MAP2K4: variants seen among roughly 807,000 people sequenced by gnomAD.
MAP2K4 encodes the protein dual specificity mitogen-activated protein kinase kinase 4.
MAP2K4 carries 4 observed loss-of-function variants against 48.5 expected under a neutral mutation model. That is an observed-to-expected ratio of 0.08 (90% CI 0.04 to 0.19). MAP2K4 has a LOEUF of 0.19. Ranked by LOEUF, MAP2K4 falls within the 10% of genes least tolerant of loss-of-function variation. The probability of loss-of-function intolerance (pLI) is 1.00; values close to 1 mark genes in which losing one functional copy is unlikely to be tolerated. For missense variants in MAP2K4, 258 were observed against 493.3 expected, an observed-to-expected ratio of 0.52 and a Z score of 4.52; for synonymous variants, 166 against 173.1, an observed-to-expected ratio of 0.96 and a Z score of 0.32.
chr17:12,045,940 C>G (rs1969948204), intron 1 of MAP2K4, among the ~76,000 whole-genome samples: 1 of 152,204 alleles, frequency 6.6e-6, no homozygotes, highest in Non-Finnish European at 1.5e-5. Context: ...ATGGTCTGAG[C>G]ACCTGGATAA....
intron 1 of MAP2K4, among the ~76,000 whole-genome samples, chr17:12,048,535 A>T (rs1769532136): frequency 6.6e-6 from 1 of 152,178 alleles, no homozygotes; most frequent in African/African-American, 2.4e-5. Flanking sequence ...TGTATCAAAG[A>T]TTGCCAGTGG....
At chr17:12,136,862 G>A (rs1380573205) in intron 9 of MAP2K4, among the ~76,000 whole-genome samples, 1 of 152,090 alleles carries the variant, frequency 6.6e-6, no homozygotes, top group Admixed American at 6.5e-5. Context: ...AGAATGCTGT[G>A]TAGATCTGAT....
intron 4 of MAP2K4, among the ~76,000 whole-genome samples, chr17:12,099,419 G>A (rs1313028385): frequency 6.6e-6 from 1 of 152,154 alleles, no homozygotes. Flanking sequence ...TAGTAGGATT[G>A]CTGGATCAAA....
intron 7 of MAP2K4, 132 bp from the exon 8 acceptor site, chr17:12,125,162 C>T: frequency 1.5e-6 from 1 of 678,288 alleles, no homozygotes; most frequent in Non-Finnish European, 2.7e-6. Flanking sequence ...CCTATTACTT[C>T]CATTCTGACG....
Position 12,135,165 on chromosome 17 carries a change from C to T in MAP2K4, c.1041-4674C>T, listed in dbSNP as rs139546677. Among the ~76,000 whole-genome samples the T allele has an allele frequency of 9.0e-3, 1,355 of 151,346 alleles. 20 individuals carry two copies. Among genetic ancestry groups the T allele is most frequent in the African/African-American group, 0.03 (1,231 of 41,268 alleles). On this transcript the variant is annotated intron_variant, in intron 9 of 10. Coordinates refer to ENST00000353533, the MANE Select transcript of MAP2K4 (RefSeq NM_003010.4). Reference sequence around the variant, plus strand: ...GTGCAATGGCATGATCTCGGCTCACCGCAGCCTCAACCTCCCGGTTTCAAG... The same window carrying T: ...GTGCAATGGCATGATCTCGGCTCACTGCAGCCTCAACCTCCCGGTTTCAAG...
At chr17:12,079,864 A>G (rs551707192) in intron 2 of MAP2K4, among the ~76,000 whole-genome samples, 1 of 152,336 alleles carries the variant, frequency 6.6e-6, no homozygotes, top group South Asian at 2.1e-4. Context: ...TTAAAAGATC[A>G]GTTCCAGCTT....
At chr17:12,066,352 G>A (rs965701677) in intron 2 of MAP2K4, among the ~76,000 whole-genome samples, 1 of 152,016 alleles carries the variant, frequency 6.6e-6, no homozygotes, top group Admixed American at 6.6e-5. Flanking sequence ...AAAATGCCTT[G>A]CAGAAAAGCT....
At chr17:12,123,362 A>G (rs72821284) in intron 7 of MAP2K4, among the ~76,000 whole-genome samples, 38 of 152,164 alleles carry the variant, frequency 2.5e-4, no homozygotes, top group Non-Finnish European at 3.8e-4. Flanking sequence ...TGTTTCATCT[A>G]TTTCTGTAAG....
intron 9 of MAP2K4, among the ~76,000 whole-genome samples, chr17:12,133,070 TTTGTTGTTGTTG>T (rs539104400): frequency 6.6e-6 from 1 of 151,752 alleles, no homozygotes; most frequent in Non-Finnish European, 1.5e-5. Flanking sequence ...CTTCTTGGGT[TTTGTTGTTGTTG>T]TTGTTGTTGT....
chr17:12,061,919 CTGAG>C (rs1274636383), intron 2 of MAP2K4, among the ~76,000 whole-genome samples: 2 of 151,776 alleles, frequency 1.3e-5, no homozygotes, highest in Non-Finnish European at 1.5e-5. Flanking sequence ...TTATCTACAA[CTGAG>C]TAACAGTATG....
At position 12,143,589 on chromosome 17, in the gene MAP2K4, T is replaced by G. The variant is rs1338784947; in HGVS notation, c.*2329T>G. 2 of 230,902 alleles carry G rather than the reference T, an allele frequency of 8.7e-6. No homozygotes were observed. The highest frequency in any genetic ancestry group is 1.7e-5 in the Non-Finnish European group (2 of 116,392). The allele number at this position is 230,902 out of a possible 1,614,324, so 14.3% of individuals were successfully genotyped here. On this transcript the variant is annotated 3_prime_UTR_variant, in exon 11 of 11. Coordinates refer to ENST00000353533, the MANE Select transcript of MAP2K4 (RefSeq NM_003010.4). ...AATGGAGCTCAGTAACATAACTGCTTCTTGGAGCTTTGGAATATTTTATCC... is the reference window on the plus strand; with the variant it reads ...AATGGAGCTCAGTAACATAACTGCTGCTTGGAGCTTTGGAATATTTTATCC...
chr17:12,024,169 G>C (rs1294678896), intron 1 of MAP2K4, among the ~76,000 whole-genome samples: 1 of 152,070 alleles, frequency 6.6e-6, no homozygotes, highest in Non-Finnish European at 1.5e-5. Flanking sequence ...TTTTTTTCTG[G>C]ATCTGAGGAC....
chr17:12,056,006 A>G (rs1970273661), intron 2 of MAP2K4, among the ~76,000 whole-genome samples: 1 of 152,074 alleles, frequency 6.6e-6, no homozygotes, highest in Non-Finnish European at 1.5e-5. Flanking sequence ...CTGAAACATC[A>G]AGTAGGGGCT....
At chr17:12,112,766 T>C (rs1241534710) in intron 6 of MAP2K4, among the ~76,000 whole-genome samples, 2 of 152,210 alleles carry the variant, frequency 1.3e-5, no homozygotes, top group African/African-American at 4.8e-5. Context: ...TTGACTGTTA[T>C]GTAATGAATC....
chr17:12,060,867 G>A (rs1327753115), intron 2 of MAP2K4, among the ~76,000 whole-genome samples: 1 of 151,914 alleles, frequency 6.6e-6, no homozygotes, highest in Admixed American at 6.6e-5. Flanking sequence ...AGTTCATTGG[G>A]ATTAATTGTG....
At chr17:12,054,819 TC>T in intron 1 of MAP2K4, 69 bp from the exon 2 acceptor site, 1 of 922,992 alleles carries the variant, frequency 1.1e-6, no homozygotes, top group Non-Finnish European at 1.7e-6. Flanking sequence ...GGTGTGACTT[TC>T]TTATGCCCTC....
intron 4 of MAP2K4, among the ~76,000 whole-genome samples, chr17:12,096,577 G>A (rs1008374914): frequency 5.3e-5 from 8 of 152,208 alleles, no homozygotes; most frequent in Non-Finnish European, 1.2e-4. Flanking sequence ...TTTTGCAAAT[G>A]TTAGGATGAA....
At chr17:12,041,916 C>T (rs1597403988) in intron 1 of MAP2K4, among the ~76,000 whole-genome samples, 1 of 152,032 alleles carries the variant, frequency 6.6e-6, no homozygotes, top group Admixed American at 6.5e-5. Flanking sequence ...CGTGGTGGCT[C>T]ATGCCTGTAA....
intron 3 of MAP2K4, among the ~76,000 whole-genome samples, chr17:12,092,080 C>T (rs1278042439): frequency 6.6e-6 from 1 of 152,152 alleles, no homozygotes; most frequent in Middle Eastern, 3.4e-3. Flanking sequence ...ATATAAAAAA[C>T]TTAATGTTCT....
Sources: gnomAD v4.1 joint callset for allele counts (sites outside exome capture counted in the v4.1 genomes callset) on GRCh38, gnomAD v4.1.1 for gene constraint, MANE v1.5 for transcripts, NCBI Gene and HGNC (gene_info 2026-07-23, HGNC 2026-07-21) for gene names.